The following GTF2A1 variants were observed in gnomAD, a reference collection of about 807,000 sequenced individuals.
The protein encoded by GTF2A1 is transcription initiation factor IIA subunit 1.
GTF2A1 carries 12 observed loss-of-function variants against 54.1 expected under a neutral mutation model. The observed-to-expected ratio is 0.22, with a 90% CI of 0.14 to 0.36. GTF2A1 has a LOEUF of 0.36. Ranked by LOEUF, GTF2A1 falls within the 10% of genes least tolerant of loss-of-function variation. The pLI is 1.00. For synonymous variants in GTF2A1, 145 were observed against 152.0 expected, an observed-to-expected ratio of 0.95 and a Z score of 0.34; for missense variants, 335 against 442.2, an observed-to-expected ratio of 0.76 and a Z score of 2.17.
Position 81,181,072 on chromosome 14 carries a change from C to A in GTF2A1, c.1024-742G>T, listed in dbSNP as rs183959945. 5.9e-5 allele frequency among the ~76,000 whole-genome samples: 9 copies of A among 152,304 alleles called. No homozygotes were observed. In the East Asian group the frequency reaches 1.7e-3, roughly 29 times the overall value. On this transcript the variant is annotated intron_variant, in intron 8 of 8. Coordinates refer to ENST00000553612, the MANE Select transcript of GTF2A1 (RefSeq NM_015859.4). ...AGGATGCTAATCATCCAGTCACTTACACCAGATTTCAAAAACTATGTACAT... is the reference window on the plus strand; with the variant it reads ...AGGATGCTAATCATCCAGTCACTTAAACCAGATTTCAAAAACTATGTACAT...
At chr14:81,218,808 T>C (rs927641357) in intron 1 of GTF2A1, among the ~76,000 whole-genome samples, 6 of 150,542 alleles carry the variant, frequency 4.0e-5, no homozygotes, top group Admixed American at 1.3e-4. Context: ...TTTTTTTTAA[T>C]CTAGTTTGCA....
rs1893612006 is a variant in GTF2A1 at position 81,220,595 on chromosome 14, T to C, written c.-77A>G. ...AACAAAACCAAAAAAAAAAAAACTA[T>C]AACACCCGGAGGGTGACCCAAATCA... On this transcript the variant is annotated 5_prime_UTR_variant, in exon 1 of 9. Coordinates refer to ENST00000553612, the MANE Select transcript of GTF2A1 (RefSeq NM_015859.4). 1.0e-6 allele frequency: 1 copy of C among 972,276 alleles called. No homozygotes were observed. The highest frequency in any genetic ancestry group is 1.4e-6 in the Non-Finnish European group (1 of 712,172). 60.2% of individuals were successfully genotyped at this position (972,276 alleles called of 1,614,324 possible). A position where few individuals can be genotyped will look rare whatever the true frequency, so the allele number is the denominator to read the frequency against.
chr14:81,220,943 C>A lies in GTF2A1; in HGVS notation c.-425G>T. 5.9e-6 allele frequency: 1 copy of A among 170,222 alleles called. No individual in the cohort carries two copies. Among genetic ancestry groups the A allele is most frequent in the Non-Finnish European group, 1.2e-5 (1 of 80,772 alleles). 10.5% of individuals were successfully genotyped at this position (170,222 alleles called of 1,614,324 possible). On this transcript the variant is annotated 5_prime_UTR_variant, in exon 1 of 9. Transcript: ENST00000553612. ...CTGCGCGAGCCACCACCGCCGCCGC[C>A]GCCGCCGCCGAGAGACAGGGTGAAG... is the stretch of plus-strand genomic sequence containing the variant.
intron 7 of GTF2A1, among the ~76,000 whole-genome samples, chr14:81,188,488 G>A (rs1566852258): frequency 6.6e-6 from 1 of 152,164 alleles, no homozygotes; most frequent in Non-Finnish European, 1.5e-5. Context: ...ACTGTTGCAA[G>A]CGGCTGGGCA....
At chr14:81,203,004 A>C in intron 3 of GTF2A1, among the ~76,000 whole-genome samples, 1 of 152,214 alleles carries the variant, frequency 6.6e-6, no homozygotes, top group Non-Finnish European at 1.5e-5. Context: ...TGAGTAACTA[A>C]ATGATATTAA....
chr14:81,196,031 G>A (rs1892985800), intron 6 of GTF2A1, 77 bp downstream of exon 6: 1 of 1,323,622 alleles, frequency 7.6e-7, no homozygotes, highest in Non-Finnish European at 1.1e-6. Context: ...GTGCATATAA[G>A]GAGAGGGAAA....
At chr14:81,187,661 T>A (rs1196719449) in intron 7 of GTF2A1, among the ~76,000 whole-genome samples, 1 of 152,208 alleles carries the variant, frequency 6.6e-6, no homozygotes, top group Non-Finnish European at 1.5e-5. Flanking sequence ...TTTTCAAGGT[T>A]CATCCATGTT....
rs143579127 is a variant in GTF2A1 at position 81,186,001 on chromosome 14, C to T, written c.934-381G>A. 5.8e-4 allele frequency among the ~76,000 whole-genome samples: 89 copies of T among 152,302 alleles called. 2 individuals carry two copies. The South Asian group carries it at 0.015, about 25-fold the overall frequency. ...CCCAGTAGCTGGCACTACTGGCACG[C>T]GCCACCACACCCAGCTAATTTTTGT... On this transcript the variant is annotated intron_variant, in intron 7 of 8. Transcript: ENST00000553612.
Position 81,196,380 on chromosome 14 carries a change from T to C in GTF2A1, c.479-139A>G. ...TAACAATTTTATTAAAGGTTGTCATTCATACACAGTATGCATAATCCTCCC... is the reference window on the plus strand; with the variant it reads ...TAACAATTTTATTAAAGGTTGTCATCCATACACAGTATGCATAATCCTCCC... On this transcript the variant is annotated intron_variant, in intron 5 of 8. Transcript: ENST00000553612. 4.9e-6 allele frequency: 4 copies of C among 811,200 alleles called. No individual in the cohort carries two copies. The South Asian group carries it at 6.7e-5, about 14-fold the overall frequency. The allele number at this position is 811,200 out of a possible 1,614,324, so 50.3% of individuals were successfully genotyped here. A position where few individuals can be genotyped will look rare whatever the true frequency, so the allele number is the denominator to read the frequency against.
At chr14:81,198,666 GT>G (rs745341764) in intron 4 of GTF2A1, among the ~76,000 whole-genome samples, 2 of 152,024 alleles carry the variant, frequency 1.3e-5, no homozygotes, top group Non-Finnish European at 2.9e-5. Flanking sequence ...CATTTTGGTA[GT>G]TTTTTCCCTC....
In GTF2A1 at chr14:81,185,301, G is replaced by A. The variant is rs556663197; in HGVS notation, c.1023+230C>T. Among the ~76,000 whole-genome samples, 29 of 152,210 alleles carry A rather than the reference G, an allele frequency of 1.9e-4. No individual in the cohort carries two copies. The Middle Eastern group carries it at 0.01, about 54-fold the overall frequency. On this transcript the variant is annotated intron_variant, in intron 8 of 8. Transcript: ENST00000553612. ...ACTGTCTAAATAGAAAAAGAAGATC[G>A]TAGCTCTTTTCATTTCATTCATAAC...
At chr14:81,180,638 A>T (rs1227053202) in intron 8 of GTF2A1, among the ~76,000 whole-genome samples, 1 of 152,184 alleles carries the variant, frequency 6.6e-6, no homozygotes, top group Non-Finnish European at 1.5e-5. Flanking sequence ...TTCACCAAAA[A>T]GAACAACAAC....
intron 4 of GTF2A1, among the ~76,000 whole-genome samples, chr14:81,199,945 C>CT (rs5810016): frequency 6.7e-6 from 1 of 148,742 alleles, no homozygotes; most frequent in Non-Finnish European, 1.5e-5. Flanking sequence ...TATAGTGAGA[C>CT]TTTTTTTTTT....
intron 2 of GTF2A1, among the ~76,000 whole-genome samples, chr14:81,207,163 C>G (rs551418137): frequency 6.6e-6 from 1 of 151,712 alleles, no homozygotes; most frequent in Non-Finnish European, 1.5e-5. Flanking sequence ...ACCTACCTAC[C>G]TACCTACCTA....
intron 2 of GTF2A1, among the ~76,000 whole-genome samples, chr14:81,208,907 C>T (rs1425373548): frequency 2.0e-5 from 3 of 152,208 alleles, no homozygotes. Flanking sequence ...ACTGTACCCC[C>T]ATTGTATCTA....
Position 81,181,931 on chromosome 14 carries a change from T to C in GTF2A1, c.1024-1601A>G, listed in dbSNP as rs116592157. On this transcript the variant is annotated intron_variant, in intron 8 of 8. Coordinates refer to ENST00000553612, the MANE Select transcript of GTF2A1 (RefSeq NM_015859.4). ...TTCTTCATGACATATTCCTGGCAAA[T>C]GGTTGTGCAGTGTCTGCTTAAATAC... Among the ~76,000 whole-genome samples, 1,473 of 152,288 alleles carry C rather than the reference T, an allele frequency of 9.7e-3. 26 individuals are homozygous for C. The highest frequency in any genetic ancestry group is 0.034 in the African/African-American group (1,418 of 41,558).
At chr14:81,183,574 A>G (rs957232299) in intron 8 of GTF2A1, among the ~76,000 whole-genome samples, 5 of 152,200 alleles carry the variant, frequency 3.3e-5, no homozygotes, top group African/African-American at 1.2e-4. Context: ...TTAAAAAGCA[A>G]TCTATTTACC....
At chr14:81,183,132 C>T (rs1187993769) in intron 8 of GTF2A1, among the ~76,000 whole-genome samples, 1 of 152,140 alleles carries the variant, frequency 6.6e-6, no homozygotes, top group Non-Finnish European at 1.5e-5. Context: ...GAGTAAGCTT[C>T]CCAATGGCAG....
At chr14:81,218,571 A>G (rs898144631) in intron 1 of GTF2A1, among the ~76,000 whole-genome samples, 1 of 152,162 alleles carries the variant, frequency 6.6e-6, no homozygotes, top group Non-Finnish European at 1.5e-5. Context: ...CTTGAGGCAA[A>G]GTTTCTTTCA....
Sources: gnomAD v4.1 joint callset for allele counts (sites outside exome capture counted in the v4.1 genomes callset) on GRCh38, gnomAD v4.1.1 for gene constraint, MANE v1.5 for transcripts, NCBI Gene and HGNC (gene_info 2026-07-23, HGNC 2026-07-21) for gene names.